The following OCRL variants were observed in gnomAD, a reference collection of about 807,000 sequenced individuals.
The protein encoded by OCRL is OCRL inositol polyphosphate-5-phosphatase.
OCRL carries 8 observed loss-of-function variants against 78.9 expected under a neutral mutation model. The observed-to-expected ratio is 0.10, with a 90% CI of 0.06 to 0.18. OCRL has a LOEUF of 0.18. Among genes scored for constraint, OCRL ranks in the 10% least tolerant of loss-of-function variants. The pLI, the probability that OCRL is intolerant of heterozygous loss-of-function variation, is 1.00. For missense variants in OCRL, 454 were observed against 696.7 expected, an observed-to-expected ratio of 0.65 and a Z score of 3.92; for synonymous variants, 240 against 235.4, an observed-to-expected ratio of 1.02 and a Z score of -0.18.
intron 3 of OCRL, among the ~76,000 whole-genome samples, chrX:129,547,986 C>T (rs1423470132): frequency 8.9e-6 from 1 of 111,919 alleles, no homozygotes; most frequent in Non-Finnish European, 1.9e-5. Context: ...TCCAAACTTG[C>T]AGACTGCTTT....
chrX:129,590,395 AAAGG>A lies in OCRL; in HGVS notation c.*129_*132del. 1.1e-6 allele frequency: 1 copy of A among 889,210 alleles called. No homozygotes were observed. The highest frequency in any genetic ancestry group is 1.6e-6 in the Non-Finnish European group (1 of 615,503). 73.3% of individuals were successfully genotyped at this position (889,210 alleles called of 1,213,427 possible). A position where few individuals can be genotyped will look rare whatever the true frequency, so the allele number is the denominator to read the frequency against. On this transcript the variant is annotated 3_prime_UTR_variant, in exon 24 of 24. Transcript: ENST00000371113. ...GAATTTCAAGTTCTGTTTATAGTAA[AAAGG>A]AAGAGCGTTTCCTAATCCCTCCTTT...
chrX:129,585,821 G>A (rs1936506085), intron 19 of OCRL, among the ~76,000 whole-genome samples: 1 of 112,055 alleles, frequency 8.9e-6, no homozygotes. Context: ...AGAACACAAT[G>A]TTAAGAAGAG....
chrX:129,569,120 A>G lies in OCRL; in HGVS notation c.1467-144A>G, dbSNP rs750933721. 5.6e-5 allele frequency: 37 copies of G among 656,879 alleles called. No homozygotes were observed. The Admixed American group carries it at 6.4e-4, about 11-fold the overall frequency. The allele number at this position is 656,879 out of a possible 1,213,427, so 54.1% of individuals were successfully genotyped here. On this transcript the variant is annotated intron_variant, in intron 14 of 23. Coordinates refer to ENST00000371113, the MANE Select transcript of OCRL (RefSeq NM_000276.4). ...CAGAGCTTGCAAAATAGTAGGGAGG[A>G]TGACAGGGGTTGTTAGGGAAGGAGA...
chrX:129,567,127 T>C lies in OCRL; in HGVS notation c.1357-127T>C, dbSNP rs1052141953. ...AGGTATAGAAATTTCATTTATGTAC[T>C]CTCACTACAGTTGTAAAGGTTGTGG... On this transcript the variant is annotated intron_variant, in intron 13 of 23. Transcript: ENST00000371113. 1.6e-5 allele frequency: 8 copies of C among 514,348 alleles called. No homozygotes were observed. The East Asian group carries it at 2.6e-4, about 16-fold the overall frequency. The allele number at this position is 514,348 out of a possible 1,213,427, so 42.4% of individuals were successfully genotyped here.
At chrX:129,548,323 C>T (rs1569457348) in intron 3 of OCRL, among the ~76,000 whole-genome samples, 1 of 111,875 alleles carries the variant, frequency 8.9e-6, no homozygotes. Context: ...TTGAGGAGTT[C>T]CATTTGGTTA....
At chrX:129,573,478 G>A (rs763061900) in intron 15 of OCRL, among the ~76,000 whole-genome samples, 1 of 111,802 alleles carries the variant, frequency 8.9e-6, no homozygotes, top group Non-Finnish European at 1.9e-5. Context: ...AGAATATGCG[G>A]TGCTTGGTTT....
chrX:129,569,840 C>CTTTTTTTTTTTTT (rs139960777), intron 15 of OCRL, among the ~76,000 whole-genome samples: 1 of 83,827 alleles, frequency 1.2e-5, no homozygotes, highest in Non-Finnish European at 2.4e-5. Context: ...CTTATTTTTT[C>CTTTTTTTTTTTTT]TTTTTTTTTT....
At chrX:129,542,487 C>T (rs947919034) in intron 2 of OCRL, among the ~76,000 whole-genome samples, 2 of 110,153 alleles carry the variant, frequency 1.8e-5, no homozygotes, top group Non-Finnish European at 3.8e-5. Context: ...ATATAACTAA[C>T]AACTAATATA....
chrX:129,558,633 G>A lies in OCRL; in HGVS notation c.440G>A (p.Gly147Glu). The change falls in exon 7 of 24, where the codon GGG (glycine) becomes GAG (glutamate). Residue 147 changes from glycine (G) to glutamate (E), a missense_variant and splice_region_variant. This residue lies in a region of OCRL where 177 missense variants were observed against 179.6 expected (regional missense o/e 0.99). Coordinates refer to ENST00000371113, the MANE Select transcript of OCRL (RefSeq NM_000276.4). ...DTKDKPSVFSGLLGFEDNFSS... is the reference protein window; with the variant it reads ...DTKDKPSVFSELLGFEDNFSS... ...TGACTTTGGGGTCTGTGTCTTTCAGGGCTTCTTGGATTTGAAGACAATTTT... is the reference window on the plus strand; with the variant it reads ...TGACTTTGGGGTCTGTGTCTTTCAGAGCTTCTTGGATTTGAAGACAATTTT... The A allele has an allele frequency of 8.3e-7, 1 of 1,211,013 alleles. No homozygotes were observed. The highest frequency in any genetic ancestry group is 1.8e-5 in the South Asian group (1 of 56,939).
At chrX:129,586,658 C>T in intron 19 of OCRL, 1 of 335,336 alleles carries the variant, frequency 3.0e-6, no homozygotes, top group Non-Finnish European at 5.6e-6. Context: ...GTCCCCAAGT[C>T]ACCAGTGCTG....
chrX:129,573,625 G>A (rs1041235602), intron 15 of OCRL, among the ~76,000 whole-genome samples: 1 of 111,599 alleles, frequency 9.0e-6, no homozygotes, highest in African/African-American at 3.3e-5. Context: ...TGCAATCTTG[G>A]CTCACTTCAA....
At chrX:129,540,715 C>T in intron 1 of OCRL, 29 bp from the exon 2 acceptor site, 3 of 1,178,102 alleles carry the variant, frequency 2.5e-6, no homozygotes, top group East Asian at 3.0e-5. Flanking sequence ...ACCGCGCTTC[C>T]GAAGGAGACC....
At chrX:129,581,868 T>G (rs937751482) in intron 18 of OCRL, among the ~76,000 whole-genome samples, 1 of 96,698 alleles carries the variant, frequency 1.0e-5, no homozygotes, top group Non-Finnish European at 2.0e-5. Context: ...TCTCTCTCTG[T>G]CTCTGTCTCT....
chrX:129,584,955 G>A (rs2362938), intron 19 of OCRL, among the ~76,000 whole-genome samples: 24,715 of 110,638 alleles, frequency 0.22, 5,199 homozygotes, highest in East Asian at 0.73. Flanking sequence ...CTGAAGTCAT[G>A]CACTGTACCC....
intron 8 of OCRL, 93 bp from the exon 9 acceptor site, chrX:129,560,457 G>A: frequency 1.8e-6 from 1 of 557,684 alleles, no homozygotes; most frequent in Non-Finnish European, 3.1e-6. Context: ...AGCATATTGT[G>A]AACATACCTT....
Position 129,557,861 on chromosome X carries a change from C to T in OCRL, c.350C>T (p.Ala117Val), listed in dbSNP as rs775995269. ...CTGACCATGAACCTTATCTCTCTAG[C>T]TCAGTCACAGCTTCTTGTTCCAGAG... ...FLSAVLAAQK[A>V]QSQLLVPEQK... The change falls in exon 6 of 24, where the codon GCT becomes GTT. Residue 117 changes from alanine (A) to valine (V), a missense_variant and splice_region_variant. Coordinates refer to ENST00000371113, the MANE Select transcript of OCRL (RefSeq NM_000276.4). 4.2e-6 allele frequency: 5 copies of T among 1,182,788 alleles called. No individual in the cohort carries two copies. The highest frequency in any genetic ancestry group is 2.3e-4 in the Middle Eastern group (1 of 4,283).
rs372406459 is a variant in OCRL at position 129,588,954 on chromosome X, T to A, written c.2410T>A (p.Cys804Ser). ...GGAAGCCCTGCCAGAGCCAGTCATC[T>A]GTTACGAGCTGTATCAGCGATGTCT... ...FLEALPEPVICYELYQRCLDS... is the reference protein window; with the variant it reads ...FLEALPEPVISYELYQRCLDS... The change falls in exon 22 of 24, where the codon TGT becomes AGT. Residue 804 changes from cysteine (C) to serine (S), a missense_variant. Cys to Ser is a moderately radical substitution (Grantham distance 112, BLOSUM62 -1). Around this residue, in one of 2 missense-constraint regions of OCRL, gnomAD observed 277 missense variants for 517.1 expected, o/e 0.54. Transcript: ENST00000371113. 2 of 1,210,153 alleles carry A rather than the reference T, an allele frequency of 1.7e-6. No homozygotes were observed. Among genetic ancestry groups the A allele is most frequent in the Non-Finnish European group, 2.2e-6 (2 of 894,946 alleles).
At chrX:129,562,880 A>G (rs977078228) in intron 12 of OCRL, 94 bp downstream of exon 12, 36 of 859,169 alleles carry the variant, frequency 4.2e-5, no homozygotes, top group Non-Finnish European at 5.9e-5. Context: ...AGCTGTGAAG[A>G]GTGAAAGATT....
At chrX:129,568,382 T>C (rs1248922634) in intron 14 of OCRL, among the ~76,000 whole-genome samples, 1 of 111,610 alleles carries the variant, frequency 9.0e-6, no homozygotes, top group Non-Finnish European at 1.9e-5. Context: ...GCACAGAAAC[T>C]TGAAAGAGAA....
Sources: gnomAD v4.1 joint callset for allele counts (sites outside exome capture counted in the v4.1 genomes callset) on GRCh38, gnomAD v4.1.1 for gene constraint, gnomAD v4.1.1 regional missense constraint, MANE v1.5 for transcripts, NCBI Gene and HGNC (gene_info 2026-07-23, HGNC 2026-07-21) for gene names.